Variants in ARF1 observed in about 807,000 individuals in gnomAD.
ARF1 encodes the protein ADP-ribosylation factor 1.
In ARF1, 1 loss-of-function variant was observed where a neutral mutation model predicts 18.0. That is an observed-to-expected ratio of 0.06 (90% CI 0.02 to 0.26). ARF1 has a LOEUF of 0.26. Among genes scored for constraint, ARF1 ranks in the 10% least tolerant of loss-of-function variants. The probability of loss-of-function intolerance (pLI) is 1.00; values close to 1 mark genes in which losing one functional copy is unlikely to be tolerated. For missense variants in ARF1, 73 were observed against 247.2 expected (o/e 0.30, Z 4.73); for synonymous variants, 112 against 96.3 (o/e 1.16, Z -0.95).
chr1:228,089,268 G>A lies in ARF1; in HGVS notation c.-38+6503G>A, dbSNP rs547830072. 3.9e-5 allele frequency among the ~76,000 whole-genome samples: 6 copies of A among 152,194 alleles called. No individual in the cohort carries two copies. Among genetic ancestry groups the A allele is most frequent in the Non-Finnish European group, 7.3e-5 (5 of 68,034 alleles). ...TGAGAACTAGGTCACTTGAAGGGAG[G>A]TCCCCAGAGTGTCCCCGGGGTGTGC... On this transcript the variant is annotated intron_variant, in intron 1 of 4. Transcript: ENST00000272102. This position sits in a 1 kb window ranked among gnomAD's most constrained non-coding sequence, Gnocchi z 4.1.
intron 1 of ARF1, among the ~76,000 whole-genome samples, chr1:228,095,161 C>A (rs1001471519): frequency 6.6e-6 from 1 of 151,516 alleles, no homozygotes; most frequent in Non-Finnish European, 1.5e-5. Context: ...TCTCCTTGTC[C>A]TTTGTTAAAA....
chr1:228,084,688 C>G (rs1293417702), intron 1 of ARF1, among the ~76,000 whole-genome samples: 4 of 152,216 alleles, frequency 2.6e-5, no homozygotes, highest in Non-Finnish European at 4.4e-5. Context: ...TAGGAAGATG[C>G]ATTTGACCTT....
rs76904171 is a variant in ARF1, at chr1:228,084,279, G to C, written c.-38+1514G>C. Among the ~76,000 whole-genome samples, 720 of 152,358 alleles carry C rather than the reference G, an allele frequency of 4.7e-3. 3 individuals carry two copies. The highest frequency in any genetic ancestry group is 0.016 in the African/African-American group (682 of 41,588). ...GTCCAAAATTGAGAAGAATTGAGTAGTGTAAATGTTAGTCACACATCTCAT... is the reference window on the plus strand; with the variant it reads ...GTCCAAAATTGAGAAGAATTGAGTACTGTAAATGTTAGTCACACATCTCAT... On this transcript the variant is annotated intron_variant, in intron 1 of 4. Transcript: ENST00000272102.
Position 228,097,621 on chromosome 1 carries a change from G to A in ARF1, c.290G>A (p.Arg97Lys). Residue 97 changes from arginine (R) to lysine (K), a missense_variant, in exon 4 of 5, where the codon AGA becomes AAA. By Grantham distance (26) the Arg-to-Lys change is conservative. This residue lies in a region of ARF1 where 48 missense variants were observed against 144.7 expected (regional missense o/e 0.33). Coordinates refer to ENST00000272102, the MANE Select transcript of ARF1 (RefSeq NM_001658.4). This position sits in a 1 kb window ranked among gnomAD's most constrained non-coding sequence, Gnocchi z 8.1. ...ATCTTCGTGGTGGACAGCAATGACA[G>A]AGAGCGTGTGAACGAGGCCCGTGAG... The part of the protein sequence containing the change: ...GLIFVVDSND[R>K]ERVNEAREEL... The A allele has an allele frequency of 6.2e-7, 1 of 1,614,214 alleles. No individual in the cohort carries two copies. Among genetic ancestry groups the A allele is most frequent in the Non-Finnish European group, 8.5e-7 (1 of 1,180,024 alleles).
chr1:228,087,195 C>A (rs2124844231), intron 1 of ARF1, among the ~76,000 whole-genome samples: 1 of 152,328 alleles, frequency 6.6e-6, no homozygotes, highest in African/African-American at 2.4e-5. Context: ...CATGAGACAT[C>A]TTTCCATTTG....
At chr1:228,084,769 A>G (rs1484151496) in intron 1 of ARF1, among the ~76,000 whole-genome samples, 1 of 152,248 alleles carries the variant, frequency 6.6e-6, no homozygotes, top group Non-Finnish European at 1.5e-5. Flanking sequence ...TAGACCTAAG[A>G]GAAAAAAACT....
In ARF1 at chr1:228,097,508, A is replaced by G; in HGVS notation, c.259+56A>G. ...CTCCTGCTTCTAGAGAGGGGGGGCC[A>G]GCCCATAGATGGGGCATCGATGCCC... On this transcript the variant is annotated intron_variant, in intron 3 of 4. Transcript: ENST00000272102. This position sits in a 1 kb window ranked among gnomAD's most constrained non-coding sequence, Gnocchi z 8.1. 6.2e-7 allele frequency: 1 copy of G among 1,613,720 alleles called. No homozygotes were observed. The highest frequency in any genetic ancestry group is 8.5e-7 in the Non-Finnish European group (1 of 1,179,786).
In ARF1 at chr1:228,098,130, C is replaced by G; in HGVS notation, c.*117C>G. 1 of 1,258,836 alleles carries G rather than the reference C, an allele frequency of 7.9e-7. No individual in the cohort carries two copies. The highest frequency in any genetic ancestry group is 1.1e-6 in the Non-Finnish European group (1 of 924,886). 78.0% of individuals were successfully genotyped at this position (1,258,836 alleles called of 1,614,324 possible). The stretch of plus-strand genomic sequence containing the variant: ...TCCGTGGTTTGGTCACCGTGTGCAT[C>G]GCACCGTGCTGTAAATGTGGCAGAC... On this transcript the variant is annotated 3_prime_UTR_variant, in exon 5 of 5. Transcript: ENST00000272102.
chr1:228,094,402 C>T (rs1480292880), intron 1 of ARF1, among the ~76,000 whole-genome samples: 1 of 152,178 alleles, frequency 6.6e-6, no homozygotes, highest in Non-Finnish European at 1.5e-5. Flanking sequence ...GAGTATCCTC[C>T]ACCATATGTT....
intron 1 of ARF1, among the ~76,000 whole-genome samples, chr1:228,085,255 A>G (rs957705388): frequency 1.3e-5 from 2 of 152,238 alleles, no homozygotes. Context: ...TTGGGATTCC[A>G]GGACTTGCCT....
In ARF1 at chr1:228,092,524, TCAG is replaced by T. The variant is rs369406797; in HGVS notation, c.-37-4550_-37-4548del. Among the ~76,000 whole-genome samples the T allele has an allele frequency of 9.2e-4, 140 of 152,340 alleles. 2 individuals carry two copies. In the East Asian group the frequency reaches 0.015, roughly 16 times the overall value. On this transcript the variant is annotated intron_variant, in intron 1 of 4. Transcript: ENST00000272102. ...TGTGAGCCCCATTCGTGGATGTCAG[TCAG>T]CAGAACAGAATCTTGGACCTGGAGC... is the stretch of plus-strand genomic sequence containing the variant.
chr1:228,094,589 G>T (rs948455269), intron 1 of ARF1, among the ~76,000 whole-genome samples: 6 of 152,034 alleles, frequency 3.9e-5, no homozygotes, highest in Admixed American at 3.9e-4. Context: ...CCAGTCTGAG[G>T]GGGTTGGCTA....
rs561966838 is a variant in ARF1 at position 228,089,585 on chromosome 1, T to G, written c.-38+6820T>G. ...CGTTTCTTGAAGGCAGAAATCAAGT[T>G]TTAGGCATTGGCTCAATCACTGGTG... On this transcript the variant is annotated intron_variant, in intron 1 of 4. Coordinates refer to ENST00000272102, the MANE Select transcript of ARF1 (RefSeq NM_001658.4). The surrounding 1 kb of genome is among the most constrained non-coding windows in gnomAD (Gnocchi z 4.1). Among the ~76,000 whole-genome samples, 20 of 152,362 alleles carry G rather than the reference T, an allele frequency of 1.3e-4. No individual in the cohort carries two copies. Among genetic ancestry groups the G allele is most frequent in the African/African-American group, 4.6e-4 (19 of 41,588 alleles).
At chr1:228,095,237 CTT>C (rs963463894) in intron 1 of ARF1, among the ~76,000 whole-genome samples, 3 of 114,284 alleles carry the variant, frequency 2.6e-5, no homozygotes, top group African/African-American at 1.0e-4. Flanking sequence ...ATTTGGGTCT[CTT>C]ATGTTGGTGG....
At chr1:228,086,534 A>G (rs2032408596) in intron 1 of ARF1, among the ~76,000 whole-genome samples, 1 of 151,988 alleles carries the variant, frequency 6.6e-6, no homozygotes, top group Non-Finnish European at 1.5e-5. Flanking sequence ...AAAAAAGAAA[A>G]AAAAGAAACA....
chr1:228,097,288 G>A lies in ARF1; in HGVS notation c.148+26G>A, dbSNP rs934038052. 5.0e-6 allele frequency: 8 copies of A among 1,607,660 alleles called. No homozygotes were observed. The highest frequency in any genetic ancestry group is 6.8e-6 in the Non-Finnish European group (8 of 1,176,018). On this transcript the variant is annotated intron_variant, in intron 2 of 4. Coordinates refer to ENST00000272102, the MANE Select transcript of ARF1 (RefSeq NM_001658.4). This position sits in a 1 kb window ranked among gnomAD's most constrained non-coding sequence, Gnocchi z 8.1. ...GTGAGGTGGGGGCCAGCAGGGAGTGGGCTGGGCTGGGCTGGGCCAAGGTAC... is the reference window on the plus strand; with the variant it reads ...GTGAGGTGGGGGCCAGCAGGGAGTGAGCTGGGCTGGGCTGGGCCAAGGTAC...
intron 1 of ARF1, among the ~76,000 whole-genome samples, chr1:228,096,828 C>T (rs1039787338): frequency 4.6e-5 from 7 of 152,374 alleles, no homozygotes; most frequent in Middle Eastern, 3.4e-3. Context: ...GGCAGCCTTT[C>T]TGGCCATGCA....
chr1:228,093,344 ACT>A (rs1305891623), intron 1 of ARF1, among the ~76,000 whole-genome samples: 4 of 151,876 alleles, frequency 2.6e-5, no homozygotes, highest in African/African-American at 7.3e-5. Context: ...CTCTTAGGAA[ACT>A]CTATTGGGTC....
intron 1 of ARF1, among the ~76,000 whole-genome samples, chr1:228,084,186 T>C (rs1357180737): frequency 6.6e-6 from 1 of 152,236 alleles, no homozygotes; most frequent in Non-Finnish European, 1.5e-5. Flanking sequence ...TCATTTAATT[T>C]GAATTTTCAC....
Sources: allele counts gnomAD v4.1 joint callset (sites outside exome capture counted in the v4.1 genomes callset), GRCh38; gene constraint gnomAD v4.1.1; regional missense constraint gnomAD v4.1.1; non-coding constraint Gnocchi (gnomAD v3.1); transcripts MANE v1.5; gene names NCBI Gene and HGNC (gene_info 2026-07-23, HGNC 2026-07-21).